CTNND2: variants seen among roughly 807,000 people sequenced by gnomAD.
The protein encoded by CTNND2 is catenin delta 2, also known as catenin delta-2.
CTNND2 carries 22 observed loss-of-function variants against 144.4 expected under a neutral mutation model. That is an observed-to-expected ratio of 0.15 (90% CI 0.11 to 0.22). The LOEUF is 0.22. Among genes scored for constraint, CTNND2 ranks in the 10% least tolerant of loss-of-function variants. The pLI is 1.00. For synonymous variants in CTNND2, 751 were observed against 695.6 expected (o/e 1.08, Z -1.25); for missense variants, 1,353 against 1,618.8 (o/e 0.84, Z 2.82).
chr5:11,386,973 G>C (rs180993585), intron 6 of CTNND2, among the ~76,000 whole-genome samples: 1 of 152,244 alleles, frequency 6.6e-6, no homozygotes, highest in East Asian at 1.9e-4. Flanking sequence ...TTCTCTCCCA[G>C]TGGCAGCTCT....
At chr5:11,593,740 T>C (rs924653182) in intron 2 of CTNND2, among the ~76,000 whole-genome samples, 1 of 152,242 alleles carries the variant, frequency 6.6e-6, no homozygotes, top group African/African-American at 2.4e-5. Context: ...TGTGGAATTG[T>C]GAGTCCATTA....
rs546301801 is a variant in CTNND2, at chr5:11,295,319, G to A, written c.1628+51053C>T. Among the ~76,000 whole-genome samples, 210 of 152,170 alleles carry A rather than the reference G, an allele frequency of 1.4e-3. 1 individual carries two copies. Among genetic ancestry groups the A allele is most frequent in the Non-Finnish European group, 1.6e-3 (106 of 67,994 alleles). On this transcript the variant is annotated intron_variant, in intron 9 of 21. Coordinates refer to ENST00000304623, the MANE Select transcript of CTNND2 (RefSeq NM_001332.4). ...CAAGGAGAACTACAAACCACTGCTC[G>A]ATGAAATAAAAGAGGATACAAACAA... is the stretch of plus-strand genomic sequence containing the variant.
intron 12 of CTNND2, among the ~76,000 whole-genome samples, chr5:11,142,606 CTCT>C (rs1373457346): frequency 2.7e-5 from 4 of 149,620 alleles, no homozygotes; most frequent in Admixed American, 2.7e-4. Context: ...CAAATTTAAA[CTCT>C]TTTTTTTTTT....
chr5:11,044,560 ATAT>A (rs1745037524), intron 16 of CTNND2, among the ~76,000 whole-genome samples: 1 of 151,410 alleles, frequency 6.6e-6, no homozygotes, highest in African/African-American at 2.4e-5. Context: ...ATATATATAT[ATAT>A]AAATGGGTTG....
intron 2 of CTNND2, among the ~76,000 whole-genome samples, chr5:11,681,702 C>G (rs898910436): frequency 1.3e-5 from 2 of 152,180 alleles, no homozygotes; most frequent in African/African-American, 4.8e-5. Context: ...AACGTAATTC[C>G]TACTGACCAT....
chr5:11,146,626 C>T lies in CTNND2; in HGVS notation c.2159+12950G>A, dbSNP rs553875978. On this transcript the variant is annotated intron_variant, in intron 12 of 21. Coordinates refer to ENST00000304623, the MANE Select transcript of CTNND2 (RefSeq NM_001332.4). The stretch of plus-strand genomic sequence containing the variant: ...CTAGAGTGATATTATTTATTGATTT[C>T]TTAACGGTGCTGATAAGCACAGTCT... 2.6e-5 allele frequency among the ~76,000 whole-genome samples: 4 copies of T among 152,318 alleles called. No homozygotes were observed. In the East Asian group the frequency reaches 5.8e-4, roughly 22 times the overall value.
intron 17 of CTNND2, among the ~76,000 whole-genome samples, chr5:11,018,455 G>A (rs1489923201): frequency 6.6e-6 from 1 of 152,190 alleles, no homozygotes; most frequent in Non-Finnish European, 1.5e-5. Flanking sequence ...TAAGCTTAGC[G>A]AGGAAGGCAC....
chr5:11,254,822 A>G (rs928582241), intron 9 of CTNND2, among the ~76,000 whole-genome samples: 1 of 152,166 alleles, frequency 6.6e-6, no homozygotes, highest in Non-Finnish European at 1.5e-5. Flanking sequence ...CTGGCCCAAA[A>G]TCTCAGTAGT....
At chr5:11,899,754 TTG>T (rs1737707950) in intron 1 of CTNND2, among the ~76,000 whole-genome samples, 1 of 152,196 alleles carries the variant, frequency 6.6e-6, no homozygotes, top group African/African-American at 2.4e-5. Context: ...TTTTAAGATA[TTG>T]TGTCTTATTC....
intron 3 of CTNND2, among the ~76,000 whole-genome samples, chr5:11,489,765 T>C (rs559896483): frequency 6.6e-6 from 1 of 152,362 alleles, no homozygotes; most frequent in African/African-American, 2.4e-5. Context: ...ATGATTGTTA[T>C]TCATTTTATT....
chr5:11,445,103 A>C (rs897304368), intron 3 of CTNND2, among the ~76,000 whole-genome samples: 1 of 152,160 alleles, frequency 6.6e-6, no homozygotes, highest in African/African-American at 2.4e-5. Context: ...GTCTGAAGTG[A>C]GGATGCTGGC....
intron 1 of CTNND2, among the ~76,000 whole-genome samples, chr5:11,793,433 T>C (rs1424491725): frequency 6.6e-6 from 1 of 152,214 alleles, no homozygotes; most frequent in Non-Finnish European, 1.5e-5. Context: ...CCTCAGAATG[T>C]GACCCTATTT....
intron 3 of CTNND2, among the ~76,000 whole-genome samples, chr5:11,511,816 T>C (rs1771674939): frequency 6.6e-6 from 1 of 152,158 alleles, no homozygotes; most frequent in South Asian, 2.1e-4. Flanking sequence ...AGGTGTCATA[T>C]ACCACCTATG....
intron 1 of CTNND2, among the ~76,000 whole-genome samples, chr5:11,774,027 A>G (rs776015941): frequency 2.0e-4 from 31 of 152,202 alleles, no homozygotes; most frequent in Non-Finnish European, 3.5e-4. Context: ...AGAAGAGATC[A>G]TACATTAATC....
At chr5:11,531,606 A>G (rs1206708429) in intron 3 of CTNND2, among the ~76,000 whole-genome samples, 2 of 152,100 alleles carry the variant, frequency 1.3e-5, no homozygotes, top group Admixed American at 6.5e-5. Flanking sequence ...AGCCTGGAGG[A>G]CAGAGTAAGA....
intron 1 of CTNND2, among the ~76,000 whole-genome samples, chr5:11,852,386 C>A (rs1421035020): frequency 6.6e-6 from 1 of 152,128 alleles, no homozygotes; most frequent in African/African-American, 2.4e-5. Flanking sequence ...TATATTCCTA[C>A]CTTGACCCTA....
intron 2 of CTNND2, among the ~76,000 whole-genome samples, chr5:11,658,368 T>C (rs1170742927): frequency 6.6e-6 from 1 of 152,056 alleles, no homozygotes; most frequent in Non-Finnish European, 1.5e-5. Context: ...GATGAAGAAC[T>C]AAATCTGTAT....
chr5:11,816,489 C>G (rs1048300238), intron 1 of CTNND2, among the ~76,000 whole-genome samples: 15 of 150,542 alleles, frequency 1.0e-4, no homozygotes, highest in Admixed American at 9.9e-4. Flanking sequence ...ATAGAGGGGC[C>G]GCAGTCAGCA....
intron 6 of CTNND2, 67 bp downstream of exon 6, chr5:11,396,964 C>T (rs1375066308): frequency 1.4e-6 from 2 of 1,437,612 alleles, no homozygotes; most frequent in Non-Finnish European, 1.9e-6. Flanking sequence ...TCTCCACATC[C>T]ACTGCATGCC....
Sources: gnomAD v4.1 joint callset for allele counts (sites outside exome capture counted in the v4.1 genomes callset) on GRCh38, gnomAD v4.1.1 for gene constraint, MANE v1.5 for transcripts, NCBI Gene and HGNC (gene_info 2026-07-23, HGNC 2026-07-21) for gene names.